DYNC2H1: variants seen among roughly 807,000 people sequenced by gnomAD.
The protein encoded by DYNC2H1 is dynein cytoplasmic 2 heavy chain 1.
DYNC2H1 carries 410 observed loss-of-function variants against 570.0 expected under a neutral mutation model. That is an observed-to-expected ratio of 0.72 (90% CI 0.66 to 0.78). The LOEUF (loss-of-function observed/expected upper bound fraction) is 0.78. Among genes scored for constraint, DYNC2H1 ranks in the 30% least tolerant of loss-of-function variants. DYNC2H1 has a pLI of 0.00. For synonymous variants in DYNC2H1, 1,688 were observed against 1,677.6 expected (o/e 1.01, Z -0.15); for missense variants, 4,865 against 5,046.4 (o/e 0.96, Z 1.09).
At chr11:103,240,384 T>C (rs1864381807) in intron 63 of DYNC2H1, among the ~76,000 whole-genome samples, 1 of 152,260 alleles carries the variant, frequency 6.6e-6, no homozygotes, top group African/African-American at 2.4e-5. Flanking sequence ...TGATAACCCA[T>C]CAGAAATACA....
At position 103,122,827 on chromosome 11, in the gene DYNC2H1, A is replaced by G; in HGVS notation, c.1488A>G (p.Val496=). 6.2e-7 allele frequency: 1 copy of G among 1,611,912 alleles called. No homozygotes were observed. The highest frequency in any genetic ancestry group is 1.1e-5 in the South Asian group (1 of 90,640). The change falls in exon 11 of 89, where the codon GTA becomes GTG. Residue 496 remains valine, a splice_region_variant and synonymous_variant. Coordinates refer to ENST00000375735, the MANE Select transcript of DYNC2H1 (RefSeq NM_001377.3). ...TGTCTGTAATTTGGCTTTTTAAGGTAGATGATACTATCAAGATTGCAGAGG... is the reference window on the plus strand; with the variant it reads ...TGTCTGTAATTTGGCTTTTTAAGGTGGATGATACTATCAAGATTGCAGAGG... The part of the protein sequence containing the change: ...IVWVRQLELK[V]DDTIKIAEAL...
rs1860523333 is a variant in DYNC2H1, at chr11:103,151,278, A to AT, written c.2947-851dup. Among the ~76,000 whole-genome samples the AT allele has an allele frequency of 6.6e-6, 1 of 151,902 alleles. No homozygotes were observed. Among genetic ancestry groups the AT allele is most frequent in the Non-Finnish European group, 1.5e-5 (1 of 67,990 alleles). On this transcript the variant is annotated intron_variant, in intron 20 of 88. Coordinates refer to ENST00000375735, the MANE Select transcript of DYNC2H1 (RefSeq NM_001377.3). The surrounding 1 kb of genome is among the most constrained non-coding windows in gnomAD (Gnocchi z 4.6). Reference sequence around the variant, plus strand: ...CATGCCCAGTTAATTTTTAAAATATATTTTTTTAGAGATGCGTTCTCACTA... The same window carrying AT: ...CATGCCCAGTTAATTTTTAAAATATATTTTTTTTAGAGATGCGTTCTCACTA...
chr11:103,288,013 G>A (rs7107435), intron 75 of DYNC2H1, among the ~76,000 whole-genome samples: 25,368 of 152,086 alleles, frequency 0.17, 2,291 homozygotes, highest in Admixed American at 0.25. Context: ...GATTGGTCAG[G>A]TTGGAGATGG....
At chr11:103,367,723 A>T (rs1009636403) in intron 83 of DYNC2H1, among the ~76,000 whole-genome samples, 3 of 152,128 alleles carry the variant, frequency 2.0e-5, no homozygotes, top group Non-Finnish European at 4.4e-5. Flanking sequence ...ATATCTAATT[A>T]TAACTTTGTA....
rs767898390 is a variant in DYNC2H1, at chr11:103,223,033, C to G, written c.9300C>G (p.Ser3100=). Residue 3100 remains serine (S), a synonymous_variant, in exon 59 of 89, where the codon TCC becomes TCG. Transcript: ENST00000375735. ...AAWVKANIQY[S]HVLERIHPLE... ...GGGTGAAAGCCAATATTCAGTATTC[C>G]CATGTCTTGGAACGAATTCATCCTT... is the stretch of plus-strand genomic sequence containing the variant. 4 of 1,613,260 alleles carry G rather than the reference C, an allele frequency of 2.5e-6. No individual in the cohort carries two copies. In the Admixed American group the frequency reaches 6.7e-5, roughly 27 times the overall value.
At chr11:103,327,330 T>C (rs1033212255) in intron 82 of DYNC2H1, among the ~76,000 whole-genome samples, 2 of 152,096 alleles carry the variant, frequency 1.3e-5, no homozygotes, top group East Asian at 3.8e-4. Flanking sequence ...TCTACCCAAA[T>C]ACATACGTGT....
chr11:103,236,684 G>A (rs1864236541), intron 63 of DYNC2H1, 145 bp downstream of exon 63: 2 of 469,824 alleles, frequency 4.3e-6, no homozygotes, highest in Non-Finnish European at 7.5e-6. Flanking sequence ...ACCCATCAAT[G>A]ATTCAGTTAG....
intron 70 of DYNC2H1, among the ~76,000 whole-genome samples, chr11:103,266,662 G>A (rs1865517837): frequency 6.6e-6 from 1 of 152,208 alleles, no homozygotes; most frequent in African/African-American, 2.4e-5. Context: ...TGGAGTTGCT[G>A]TGGATCGTGG....
chr11:103,109,543 C>T lies in DYNC2H1; in HGVS notation c.-32C>T, dbSNP rs747307140. On this transcript the variant is annotated 5_prime_UTR_variant, in exon 1 of 89. Coordinates refer to ENST00000375735, the MANE Select transcript of DYNC2H1 (RefSeq NM_001377.3). ...CGGACTGGTTTCTTCTTCCTTCCCCCTTCCCCCAACTTCCCTCCACCCCTT... is the reference window on the plus strand; with the variant it reads ...CGGACTGGTTTCTTCTTCCTTCCCCTTTCCCCCAACTTCCCTCCACCCCTT... 4.4e-6 allele frequency: 7 copies of T among 1,601,846 alleles called. No individual in the cohort carries two copies. The African/African-American group carries it at 9.4e-5, about 21-fold the overall frequency.
At chr11:103,220,061 A>G in intron 56 of DYNC2H1, 33 bp downstream of exon 56, 3 of 1,217,570 alleles carry the variant, frequency 2.5e-6, no homozygotes, top group Non-Finnish European at 3.3e-6. Context: ...ATCCATTTAC[A>G]TTTTTGCTTA....
intron 52 of DYNC2H1, among the ~76,000 whole-genome samples, chr11:103,207,576 A>C (rs964918907): frequency 2.0e-5 from 3 of 152,164 alleles, no homozygotes; most frequent in Admixed American, 1.3e-4. Context: ...CCTGAGGGAA[A>C]GAATGAGGGA....
In DYNC2H1 at chr11:103,189,552, T is replaced by A; in HGVS notation, c.7293-120T>A. 1.1e-6 allele frequency: 1 copy of A among 937,958 alleles called. No individual in the cohort carries two copies. The highest frequency in any genetic ancestry group is 2.4e-5 in the Admixed American group (1 of 41,432). The allele number at this position is 937,958 out of a possible 1,614,324, so 58.1% of individuals were successfully genotyped here. Reference sequence around the variant, plus strand: ...TAGTCTTAGCCCCCTGGGTAAGCTTTGGAGATATGTAGGTCTTAGAGCAGC... The same window carrying A: ...TAGTCTTAGCCCCCTGGGTAAGCTTAGGAGATATGTAGGTCTTAGAGCAGC... On this transcript the variant is annotated intron_variant, in intron 44 of 88. Coordinates refer to ENST00000375735, the MANE Select transcript of DYNC2H1 (RefSeq NM_001377.3). This position sits in a 1 kb window ranked among gnomAD's most constrained non-coding sequence, Gnocchi z 4.3.
At position 103,326,349 on chromosome 11, in the gene DYNC2H1, T is replaced by C. The variant is rs952629430; in HGVS notation, c.12039+2359T>C. ...TTCTTTTGCTATGTGTTCGGGGTGGTTGGGCTCCCTCTGACAGGCTGCATC... is the reference window on the plus strand; with the variant it reads ...TTCTTTTGCTATGTGTTCGGGGTGGCTGGGCTCCCTCTGACAGGCTGCATC... On this transcript the variant is annotated intron_variant, in intron 82 of 88. Transcript: ENST00000375735. This position sits in a 1 kb window ranked among gnomAD's most constrained non-coding sequence, Gnocchi z 6.1. Among the ~76,000 whole-genome samples, 3 of 152,126 alleles carry C rather than the reference T, an allele frequency of 2.0e-5. No individual in the cohort carries two copies. The highest frequency in any genetic ancestry group is 7.2e-5 in the African/African-American group (3 of 41,424).
chr11:103,203,610 GA>G lies in DYNC2H1; in HGVS notation c.8198-48del. ...GAGCAGATTTTTAAATACAAAAATT[GA>G]AAAAGCATCATTTATTAAAATGTTT... On this transcript the variant is annotated intron_variant, in intron 50 of 88. Coordinates refer to ENST00000375735, the MANE Select transcript of DYNC2H1 (RefSeq NM_001377.3). This position sits in a 1 kb window ranked among gnomAD's most constrained non-coding sequence, Gnocchi z 4.7. The G allele has an allele frequency of 1.7e-6, 2 of 1,194,656 alleles. No individual in the cohort carries two copies. Among genetic ancestry groups the G allele is most frequent in the African/African-American group, 1.6e-5 (1 of 64,046 alleles). The allele number at this position is 1,194,656 out of a possible 1,614,324, so 74.0% of individuals were successfully genotyped here.
chr11:103,456,453 T>C (rs1944792996), intron 87 of DYNC2H1, 97 bp downstream of exon 87: 2 of 902,934 alleles, frequency 2.2e-6, no homozygotes, highest in East Asian at 2.7e-5. Context: ...ATCTTTATAG[T>C]GTAAGATCAG....
intron 80 of DYNC2H1, 51 bp downstream of exon 80, chr11:103,316,671 A>C (rs1937864416): frequency 1.5e-6 from 2 of 1,326,326 alleles, no homozygotes; most frequent in East Asian, 5.5e-5. Flanking sequence ...ATTTTATCTG[A>C]GGTCTTATTA....
chr11:103,314,239 A>G (rs1429840169), intron 79 of DYNC2H1, among the ~76,000 whole-genome samples: 1 of 152,178 alleles, frequency 6.6e-6, no homozygotes, highest in Non-Finnish European at 1.5e-5. Context: ...GTATAAATAC[A>G]CAAACATATT....
At chr11:103,304,795 A>AC in intron 77 of DYNC2H1, 75 bp downstream of exon 77, 1 of 1,348,842 alleles carries the variant, frequency 7.4e-7, no homozygotes, top group South Asian at 2.0e-5. Context: ...CAGTATTAAA[A>AC]TGTCATGCAT....
intron 86 of DYNC2H1, 123 bp from the exon 87 acceptor site, chr11:103,456,152 T>A: frequency 2.9e-6 from 2 of 691,272 alleles, no homozygotes; most frequent in Non-Finnish European, 4.5e-6. Flanking sequence ...AGTTTAATGG[T>A]ATTATTATTT....
Sources: allele counts gnomAD v4.1 joint callset (sites outside exome capture counted in the v4.1 genomes callset), GRCh38; gene constraint gnomAD v4.1.1; non-coding constraint Gnocchi (gnomAD v3.1); transcripts MANE v1.5; gene names NCBI Gene and HGNC (gene_info 2026-07-23, HGNC 2026-07-21).